VPS13A: variants seen among roughly 807,000 people sequenced by gnomAD.
VPS13A encodes the protein vacuolar protein sorting 13 homolog A, also known as intermembrane lipid transfer protein VPS13A.
In VPS13A, 264 loss-of-function variants were observed where a neutral mutation model predicts 390.9. The ratio of observed to expected loss-of-function variants is 0.68; its 90% CI spans 0.61 to 0.75. The LOEUF is 0.75. VPS13A is among the 30% of genes least tolerant of loss of function. The pLI is 0.00. For synonymous variants in VPS13A, 1,231 were observed against 1,227.1 expected (o/e 1.00, Z -0.07); for missense variants, 3,409 against 3,733.9 (o/e 0.91, Z 2.27).
chr9:77,402,227 G>A (rs1834423829), intron 68 of VPS13A, among the ~76,000 whole-genome samples: 1 of 152,074 alleles, frequency 6.6e-6, no homozygotes, highest in African/African-American at 2.4e-5. Flanking sequence ...CAATTAATCT[G>A]TATGAGTCAT....
chr9:77,275,945 A>G, intron 25 of VPS13A, 120 bp from the exon 26 acceptor site: 1 of 1,122,996 alleles, frequency 8.9e-7, no homozygotes, highest in Non-Finnish European at 1.3e-6. Flanking sequence ...AATCTCTCCT[A>G]AATTTTAAAT....
At position 77,206,003 on chromosome 9, in the gene VPS13A, A is replaced by G; in HGVS notation, c.309A>G (p.Glu103=). 6.3e-7 allele frequency: 1 copy of G among 1,579,684 alleles called. No individual in the cohort carries two copies. Among genetic ancestry groups the G allele is most frequent in the East Asian group, 2.3e-5 (1 of 44,032 alleles). The change falls in exon 5 of 72, where the codon GAA becomes GAG. Residue 103 remains glutamate, a synonymous_variant. Coordinates refer to ENST00000360280, the MANE Select transcript of VPS13A (RefSeq NM_033305.3). ...SSRIKYDPLK[E]EKQLMEAKQQ... Reference sequence around the variant, plus strand: ...GAATAAAATATGATCCTTTAAAAGAAGAGAAACAACTCATGGAAGCAAAGC... The same window carrying G: ...GAATAAAATATGATCCTTTAAAAGAGGAGAAACAACTCATGGAAGCAAAGC...
chr9:77,237,984 CT>C lies in VPS13A; in HGVS notation c.1596-8del, dbSNP rs748907586. The C allele has an allele frequency of 9.1e-3, 10,535 of 1,164,046 alleles. 1 individual carries two copies. Among genetic ancestry groups the C allele is most frequent in the Admixed American group, 0.011 (472 of 44,132 alleles). The allele number at this position is 1,164,046 out of a possible 1,614,324, so 72.1% of individuals were successfully genotyped here. ...AATTTTACTGATCGCTGACTTTTTT[CT>C]TTTTTTTTTAATGCAGATTTGAAAC... On this transcript the variant is annotated splice_polypyrimidine_tract_variant and intron_variant, in intron 17 of 71. Transcript: ENST00000360280.
At chr9:77,407,686 T>TAA (rs2030199713) in intron 71 of VPS13A, 79 bp downstream of exon 71, 2 of 1,148,782 alleles carry the variant, frequency 1.7e-6, no homozygotes, top group Admixed American at 3.9e-5. Flanking sequence ...TTAATGCAGA[T>TAA]AAGTTTTGTT....
intron 68 of VPS13A, among the ~76,000 whole-genome samples, chr9:77,391,181 T>C (rs1833882762): frequency 6.6e-6 from 1 of 152,202 alleles, no homozygotes; most frequent in African/African-American, 2.4e-5. Flanking sequence ...GTGATAGAGC[T>C]CTACCTAGTA....
At chr9:77,402,172 T>C (rs887852023) in intron 68 of VPS13A, among the ~76,000 whole-genome samples, 16 of 152,220 alleles carry the variant, frequency 1.1e-4, no homozygotes, top group Non-Finnish European at 2.2e-4. Flanking sequence ...AGATATTCTT[T>C]TCCTCAATAT....
intron 1 of VPS13A, among the ~76,000 whole-genome samples, chr9:77,193,305 T>C (rs910233060): frequency 6.6e-6 from 1 of 152,178 alleles, no homozygotes; most frequent in African/African-American, 2.4e-5. Context: ...TTCGGTATCT[T>C]CTGAGTTTTA....
At chr9:77,306,401 A>AGAGAGTGTGTGTGTGT (rs550279922) in intron 34 of VPS13A, among the ~76,000 whole-genome samples, 1 of 107,696 alleles carries the variant, frequency 9.3e-6, no homozygotes, top group Non-Finnish European at 2.0e-5. Context: ...AGAGAGAGAG[A>AGAGAGTGTGTGTGTGT]GTGTGTGTGT....
intron 23 of VPS13A, among the ~76,000 whole-genome samples, chr9:77,272,150 G>A (rs73654006): frequency 0.012 from 1,836 of 152,200 alleles, 36 homozygotes; most frequent in African/African-American, 0.042. Context: ...ATATGTAACC[G>A]TTATGCATTT....
chr9:77,246,845 T>TC (rs1377935484), intron 19 of VPS13A, among the ~76,000 whole-genome samples: 12 of 152,264 alleles, frequency 7.9e-5, no homozygotes, highest in African/African-American at 2.9e-4. Flanking sequence ...TTTTTTATAT[T>TC]CTCAGAATAA....
intron 35 of VPS13A, among the ~76,000 whole-genome samples, chr9:77,309,995 G>T (rs1828978763): frequency 6.6e-6 from 1 of 152,088 alleles, no homozygotes; most frequent in Non-Finnish European, 1.5e-5. Flanking sequence ...GATGGTAGAA[G>T]ACAATGGAGG....
In VPS13A at chr9:77,177,986, C is replaced by G; in HGVS notation, c.100+182C>G. On this transcript the variant is annotated intron_variant, in intron 1 of 71. Transcript: ENST00000360280. Reference sequence around the variant, plus strand: ...GCGGCAGTTCCCTGGCCTCCGCCCTCGAGTTGTTTATATTTTGGGGGAAAG... The same window carrying G: ...GCGGCAGTTCCCTGGCCTCCGCCCTGGAGTTGTTTATATTTTGGGGGAAAG... The G allele has an allele frequency of 6.8e-6, 4 of 588,122 alleles. 1 individual carries two copies. In the South Asian group the frequency reaches 7.8e-5, roughly 12 times the overall value. 36.4% of individuals were successfully genotyped at this position (588,122 alleles called of 1,614,324 possible).
chr9:77,205,399 CCTT>C lies in VPS13A; in HGVS notation c.280_282del (p.Ser94del). 4 of 1,400,890 alleles carry C rather than the reference CCTT, an allele frequency of 2.9e-6. No individual in the cohort carries two copies. The highest frequency in any genetic ancestry group is 3.8e-6 in the Non-Finnish European group (4 of 1,056,582). 86.8% of individuals were successfully genotyped at this position (1,400,890 alleles called of 1,614,324 possible). A position where few individuals can be genotyped will look rare whatever the true frequency, so the allele number is the denominator to read the frequency against. On this transcript the variant is annotated inframe_deletion, in exon 4 of 72. Transcript: ENST00000360280. ...GGAAGAAATTTATTTACTTATAGTGCCTTCTTCTAGTAAGTTAAATTTAAAAAA... is the reference window on the plus strand; with the variant it reads ...GGAAGAAATTTATTTACTTATAGTGCCTTCTAGTAAGTTAAATTTAAAAAA...
intron 46 of VPS13A, among the ~76,000 whole-genome samples, chr9:77,334,747 A>G (rs1293271353): frequency 6.6e-6 from 1 of 152,198 alleles, no homozygotes; most frequent in East Asian, 1.9e-4. Flanking sequence ...GTGTATTACG[A>G]TTAGTTTAAT....
chr9:77,308,207 T>A, intron 35 of VPS13A, 109 bp downstream of exon 35: 1 of 1,180,102 alleles, frequency 8.5e-7, no homozygotes, highest in Non-Finnish European at 1.2e-6. Flanking sequence ...CCCCTCTTTC[T>A]CCCTCCTTTC....
chr9:77,381,909 C>A (rs368204621), intron 67 of VPS13A, 67 bp from the exon 68 acceptor site: 1 of 1,011,726 alleles, frequency 9.9e-7, no homozygotes. Context: ...TTAGTAATTG[C>A]ATTTTATAGT....
At chr9:77,348,590 G>T (rs1039487987) in intron 52 of VPS13A, among the ~76,000 whole-genome samples, 3 of 151,674 alleles carry the variant, frequency 2.0e-5, no homozygotes, top group Admixed American at 6.6e-5. Context: ...AAATCTGCAC[G>T]TTCTGCACGT....
chr9:77,353,981 A>G (rs1319768569), intron 54 of VPS13A, among the ~76,000 whole-genome samples: 1 of 152,234 alleles, frequency 6.6e-6, no homozygotes, highest in East Asian at 1.9e-4. Flanking sequence ...CATATGCTGT[A>G]GCTGTTGGAG....
At chr9:77,233,643 G>A (rs1275956721) in intron 17 of VPS13A, among the ~76,000 whole-genome samples, 5 of 150,520 alleles carry the variant, frequency 3.3e-5, no homozygotes, top group Non-Finnish European at 5.9e-5. Context: ...TTTCTCTTGT[G>A]GTTTTTTTTT....
Sources: allele counts gnomAD v4.1 joint callset (sites outside exome capture counted in the v4.1 genomes callset), GRCh38; gene constraint gnomAD v4.1.1; transcripts MANE v1.5; gene names NCBI Gene and HGNC (gene_info 2026-07-23, HGNC 2026-07-21).